Variants in DLG2 observed in about 807,000 individuals in gnomAD.
DLG2 encodes disks large homolog 2.
A neutral mutation model predicts 132.5 loss-of-function variants in DLG2; 45 were observed. The observed-to-expected ratio is 0.34, with a 90% CI of 0.27 to 0.44. The LOEUF (loss-of-function observed/expected upper bound fraction) is 0.44, where lower values mean the gene tolerates loss of function less well. DLG2 is among the 20% of genes least tolerant of loss of function. The pLI, the probability that DLG2 is intolerant of heterozygous loss-of-function variation, is 1.00. For missense variants in DLG2, 1,045 were observed against 1,196.9 expected, an observed-to-expected ratio of 0.87 and a Z score of 1.87; for synonymous variants, 424 against 419.6, an observed-to-expected ratio of 1.01 and a Z score of -0.13.
intron 12 of DLG2, among the ~76,000 whole-genome samples, chr11:83,966,771 T>C (rs1341481960): frequency 6.6e-6 from 1 of 152,030 alleles, no homozygotes; most frequent in African/African-American, 2.4e-5. Context: ...AATCTACTTA[T>C]TTCGCAAAAT....
chr11:84,366,589 T>C (rs2098683984), intron 7 of DLG2, among the ~76,000 whole-genome samples: 1 of 152,012 alleles, frequency 6.6e-6, no homozygotes, highest in Admixed American at 6.6e-5. Flanking sequence ...GAGACACACA[T>C]AGGCTCAAAA....
At chr11:85,514,236 C>A (rs2094132617) in intron 3 of DLG2, among the ~76,000 whole-genome samples, 1 of 151,940 alleles carries the variant, frequency 6.6e-6, no homozygotes, top group African/African-American at 2.4e-5. Context: ...ATACTAGTAT[C>A]CCTGTTAACA....
chr11:84,828,526 G>A (rs959018630), intron 6 of DLG2, among the ~76,000 whole-genome samples: 4 of 151,718 alleles, frequency 2.6e-5, no homozygotes, highest in African/African-American at 9.7e-5. Context: ...ACTTACAGAA[G>A]AATCACATGA....
At chr11:85,356,740 T>C (rs1399535535) in intron 3 of DLG2, among the ~76,000 whole-genome samples, 1 of 152,088 alleles carries the variant, frequency 6.6e-6, no homozygotes, top group Non-Finnish European at 1.5e-5. Context: ...GTCTACTTTG[T>C]TTACTACAGC....
At chr11:84,642,345 C>T (rs2099668424) in intron 6 of DLG2, among the ~76,000 whole-genome samples, 1 of 151,770 alleles carries the variant, frequency 6.6e-6, no homozygotes, top group Non-Finnish European at 1.5e-5. Context: ...ATATACAAAG[C>T]TTTTCCTACC....
intron 7 of DLG2, among the ~76,000 whole-genome samples, chr11:84,482,019 T>C (rs997314300): frequency 3.3e-5 from 5 of 152,214 alleles, no homozygotes; most frequent in African/African-American, 1.2e-4. Context: ...CATTAAATTA[T>C]CTATTTTTCT....
chr11:84,195,289 G>A (rs374852399), intron 8 of DLG2, among the ~76,000 whole-genome samples: 47 of 152,222 alleles, frequency 3.1e-4, no homozygotes, highest in East Asian at 1.5e-3. Flanking sequence ...TCGGCCTCCT[G>A]AGTAGCTGGG....
intron 27 of DLG2, among the ~76,000 whole-genome samples, chr11:83,461,072 G>A (rs1591206681): frequency 1.4e-5 from 2 of 139,440 alleles, no homozygotes; most frequent in Non-Finnish European, 3.0e-5. Context: ...GCAGTAGCAC[G>A]ATCTCGGCTC....
chr11:84,098,666 C>T (rs1314143642), intron 10 of DLG2, among the ~76,000 whole-genome samples: 3 of 152,130 alleles, frequency 2.0e-5, no homozygotes, highest in Admixed American at 2.0e-4. Flanking sequence ...CTCATCCAAA[C>T]AAAAGATTTA....
chr11:85,254,874 G>A (rs764008441), intron 4 of DLG2, among the ~76,000 whole-genome samples: 10 of 151,722 alleles, frequency 6.6e-5, no homozygotes, highest in Non-Finnish European at 1.0e-4. Context: ...GGTGGCAGGC[G>A]TGTAGTCCCA....
At chr11:85,087,123 A>T (rs2068037455) in intron 6 of DLG2, among the ~76,000 whole-genome samples, 1 of 152,238 alleles carries the variant, frequency 6.6e-6, no homozygotes, top group Non-Finnish European at 1.5e-5. Context: ...CTCAGGCATT[A>T]TGCTAGGTAC....
chr11:83,842,054 T>C (rs2057660310), intron 16 of DLG2, among the ~76,000 whole-genome samples: 1 of 152,232 alleles, frequency 6.6e-6, no homozygotes, highest in Admixed American at 6.5e-5. Context: ...TATTCATTTA[T>C]GCAGTTTTTA....
At chr11:84,281,513 C>T (rs1017644953) in intron 7 of DLG2, among the ~76,000 whole-genome samples, 3 of 151,546 alleles carry the variant, frequency 2.0e-5, no homozygotes, top group Non-Finnish European at 2.9e-5. Context: ...CATATGTATA[C>T]ATGTGCCATG....
intron 6 of DLG2, among the ~76,000 whole-genome samples, chr11:84,957,616 C>G (rs1165907831): frequency 6.6e-6 from 1 of 152,164 alleles, no homozygotes; most frequent in Non-Finnish European, 1.5e-5. Context: ...CCTCTGTACT[C>G]TCGAAGTGTT....
At chr11:85,318,301 G>A (rs1224071344) in intron 3 of DLG2, among the ~76,000 whole-genome samples, 1 of 151,780 alleles carries the variant, frequency 6.6e-6, no homozygotes, top group Non-Finnish European at 1.5e-5. Context: ...TTTCCAATGT[G>A]GCCAAATCCT....
At chr11:83,892,650 T>C (rs1338785216) in intron 15 of DLG2, among the ~76,000 whole-genome samples, 1 of 151,864 alleles carries the variant, frequency 6.6e-6, no homozygotes, top group Non-Finnish European at 1.5e-5. Flanking sequence ...AATTTTTAAA[T>C]CTATGATAGT....
intron 7 of DLG2, among the ~76,000 whole-genome samples, chr11:84,268,310 C>A (rs2097671036): frequency 6.6e-6 from 1 of 151,764 alleles, no homozygotes; most frequent in African/African-American, 2.4e-5. Flanking sequence ...TGCTCCTAAT[C>A]ACACTGCAAT....
intron 3 of DLG2, among the ~76,000 whole-genome samples, chr11:85,295,074 T>A (rs1441688106): frequency 6.6e-6 from 1 of 152,162 alleles, no homozygotes; most frequent in African/African-American, 2.4e-5. Flanking sequence ...ATCTTACACT[T>A]ATAGCACTTA....
chr11:83,668,594 CAATAA>C (rs2076143033), intron 18 of DLG2, among the ~76,000 whole-genome samples: 1 of 150,738 alleles, frequency 6.6e-6, no homozygotes, highest in South Asian at 2.1e-4. Context: ...ATTTAAATTA[CAATAA>C]AATGGAAGAA....
Sources: allele counts gnomAD v4.1 joint callset (sites outside exome capture counted in the v4.1 genomes callset), GRCh38; gene constraint gnomAD v4.1.1; transcripts MANE v1.5; gene names NCBI Gene and HGNC (gene_info 2026-07-23, HGNC 2026-07-21).